Variants in TTN observed in about 807,000 individuals in gnomAD.
The protein encoded by TTN is titin, also known as connectin.
TTN carries 1,525 observed loss-of-function variants against 3,223.0 expected under a neutral mutation model. That is an observed-to-expected ratio of 0.47 (90% CI 0.45 to 0.49). The LOEUF (loss-of-function observed/expected upper bound fraction) is 0.49, where lower values mean the gene tolerates loss of function less well. Ranked by LOEUF, TTN falls within the 20% of genes least tolerant of loss-of-function variation. The pLI, the probability that TTN is intolerant of heterozygous loss-of-function variation, is 0.00. For missense variants in TTN, 40,786 were observed against 43,424.0 expected, an observed-to-expected ratio of 0.94 and a Z score of 5.40; for synonymous variants, 14,094 against 15,161.0, an observed-to-expected ratio of 0.93 and a Z score of 5.17.
intron 47 of TTN, chr2:178,749,103 T>C (rs553146764): frequency 6.2e-7 from 1 of 1,612,936 alleles, no homozygotes; most frequent in South Asian, 1.1e-5. Flanking sequence ...GAATCTTTTG[T>C]ATTGTAACTG....
chr2:178,691,144 A>G lies in TTN; in HGVS notation c.31762+872T>C, dbSNP rs1373581044. 3.9e-5 allele frequency among the ~76,000 whole-genome samples: 6 copies of G among 152,336 alleles called. No individual in the cohort carries two copies. The South Asian group carries it at 1.0e-3, about 26-fold the overall frequency. ...AGAGAGAAGCATATTTGATTCAGGA[A>G]GAAAATAGAAACATTGCAAAGTCAG... On this transcript the variant is annotated intron_variant, in intron 121 of 362. Coordinates refer to ENST00000589042, the MANE Select transcript of TTN (RefSeq NM_001267550.2).
Position 178,728,412 on chromosome 2 carries a change from C to T in TTN, c.19427-15G>A. ...AATATTTTGATCTGTCCAATGCAAA[C>T]AGCAAAACACATCCATTAATCTCTT... On this transcript the variant is annotated splice_polypyrimidine_tract_variant and intron_variant, in intron 66 of 362. Transcript: ENST00000589042. 1 of 1,583,422 alleles carries T rather than the reference C, an allele frequency of 6.3e-7. No individual in the cohort carries two copies. The highest frequency in any genetic ancestry group is 8.6e-7 in the Non-Finnish European group (1 of 1,164,434).
At position 178,609,838 on chromosome 2, in the gene TTN, C is replaced by G; in HGVS notation, c.51585G>C (p.Lys17195Asn). ...TTGGTACCAGGTGTTCATTGCATCTCTTCCACCTTTCTTCACCCTTAGCAA... is the reference window on the plus strand; with the variant it reads ...TTGGTACCAGGTGTTCATTGCATCTGTTCCACCTTTCTTCACCCTTAGCAA... ...EKIAKGEERW[K>N]RCNEHLVPIL... Residue 17195 changes from lysine to asparagine, a missense_variant, in exon 272 of 363, where the codon AAG becomes AAC. Transcript: ENST00000589042. The G allele has an allele frequency of 6.2e-7, 1 of 1,612,994 alleles. No individual in the cohort carries two copies. Among genetic ancestry groups the G allele is most frequent in the African/African-American group, 1.3e-5 (1 of 74,938 alleles).
At position 178,530,033 on chromosome 2, in the gene TTN, G is replaced by C; in HGVS notation, c.106458C>G (p.Asp35486Glu). The C allele has an allele frequency of 6.2e-7, 1 of 1,610,240 alleles. No homozygotes were observed. The highest frequency in any genetic ancestry group is 8.5e-7 in the Non-Finnish European group (1 of 1,178,930). ...TTACTGTACAAGTATAAAGTCCACT[G>C]TCAGAAGTATCAGTCTTATGAATTT... Reference protein sequence around the residue: ...FLEIHKTDTSDSGLYTCTVKN... With the variant: ...FLEIHKTDTSESGLYTCTVKN... Residue 35486 changes from aspartate to glutamate, a missense_variant, in exon 359 of 363, where the codon GAC (aspartate) becomes GAG (glutamate). Transcript: ENST00000589042.
Position 178,649,337 on chromosome 2 carries a change from A to G in TTN, c.39974-6T>C. 1 of 1,440,540 alleles carries G rather than the reference A, an allele frequency of 6.9e-7. No homozygotes were observed. The highest frequency in any genetic ancestry group is 1.5e-5 in the African/African-American group (1 of 68,338). The allele number at this position is 1,440,540 out of a possible 1,614,324, so 89.2% of individuals were successfully genotyped here. On this transcript the variant is annotated splice_region_variant and splice_polypyrimidine_tract_variant and intron_variant, in intron 212 of 362. Coordinates refer to ENST00000589042, the MANE Select transcript of TTN (RefSeq NM_001267550.2). ...TTTCTTGGGCACCTCAGGCACTTTG[A>G]AGATATTAGTTTTGTTTTAAAAATA...
At position 178,526,000 on chromosome 2, in the gene TTN, A is replaced by G. The variant is rs1479770097; in HGVS notation, c.*1012T>C. On this transcript the variant is annotated 3_prime_UTR_variant, in exon 363 of 363. Coordinates refer to ENST00000589042, the MANE Select transcript of TTN (RefSeq NM_001267550.2). The stretch of plus-strand genomic sequence containing the variant: ...CAACCAGCCACACATTTTGAGGTGC[A>G]GATAGCTTGCTTTATTTTGTTGTTA... 1.3e-5 allele frequency: 2 copies of G among 152,676 alleles called. No individual in the cohort carries two copies. Among genetic ancestry groups the G allele is most frequent in the Non-Finnish European group, 2.9e-5 (2 of 68,042 alleles). The allele number at this position is 152,676 out of a possible 1,614,324, so 9.5% of individuals were successfully genotyped here.
chr2:178,744,368 C>T (rs977691770), intron 47 of TTN: 21 of 984,022 alleles, frequency 2.1e-5, no homozygotes, highest in Admixed American at 6.2e-5. Flanking sequence ...GAATGATCAC[C>T]TCTAAGGTCT....
At chr2:178,694,723 T>G in intron 116 of TTN, 47 bp from the exon 117 acceptor site, 1 of 1,513,380 alleles carries the variant, frequency 6.6e-7, no homozygotes, top group African/African-American at 1.4e-5. Context: ...GAATATTGCT[T>G]TGCACAAAAT....
In TTN at chr2:178,779,728, A is replaced by C. The variant is rs75885953; in HGVS notation, c.3730-266T>G. On this transcript the variant is annotated intron_variant, in intron 22 of 362. Transcript: ENST00000589042. ...ATCACACAGATGAAGAGATCTTGGC[A>C]TGAATGAACTCAGCTGTGCTAATAT... 835 of 534,024 alleles carry C rather than the reference A, an allele frequency of 1.6e-3. 7 individuals are homozygous for C. The highest frequency in any genetic ancestry group is 0.014 in the African/African-American group (751 of 52,758). 33.1% of individuals were successfully genotyped at this position (534,024 alleles called of 1,614,324 possible). A position where few individuals can be genotyped will look rare whatever the true frequency, so the allele number is the denominator to read the frequency against.
chr2:178,559,495 A>G lies in TTN; in HGVS notation c.86637T>C (p.Asn28879=). The change falls in exon 326 of 363, where the codon AAT becomes AAC. Residue 28879 remains asparagine, a synonymous_variant. Coordinates refer to ENST00000589042, the MANE Select transcript of TTN (RefSeq NM_001267550.2). ...TGGCCTCACGTTTTTCTATGTGGTA[A>G]TTCTTCACTGGTGCTCCACCATCGT... ...PENDGGAPVK[N]YHIEKREASK... is the part of the protein sequence containing the mutation. 1 of 1,613,746 alleles carries G rather than the reference A, an allele frequency of 6.2e-7. No individual in the cohort carries two copies. The highest frequency in any genetic ancestry group is 8.5e-7 in the Non-Finnish European group (1 of 1,179,740).
In TTN at chr2:178,560,181, G is replaced by A. The variant is rs190729405; in HGVS notation, c.85951C>T (p.Leu28651=). 3.2e-5 allele frequency: 52 copies of A among 1,613,710 alleles called. No homozygotes were observed. The African/African-American group carries it at 6.7e-4, about 21-fold the overall frequency. ...TTGGGTTTGGATGGAGGAGATGGTA[G>A]GAACACTGGATCTTCTGCCCTAATT... ...PLIRAEDPVF[L]PSPPSKPKIV... The change falls in exon 326 of 363, where the codon CTA becomes TTA. Residue 28651 remains leucine, a synonymous_variant. Transcript: ENST00000589042.
In TTN at chr2:178,773,541, G is replaced by C; in HGVS notation, c.7515C>G (p.Asn2505Lys). ...VKGTKQRLVI[N>K]RTHASDEGPY... ...GTCCTTCGTCTGAAGCATGAGTTCG[G>C]TTAATGACTAGTCGCTGTTTAGTAC... The change falls in exon 32 of 363, where the codon AAC becomes AAG. Residue 2505 changes from asparagine to lysine, a missense_variant. Coordinates refer to ENST00000589042, the MANE Select transcript of TTN (RefSeq NM_001267550.2). The C allele has an allele frequency of 6.2e-7, 1 of 1,614,052 alleles. No individual in the cohort carries two copies. The highest frequency in any genetic ancestry group is 8.5e-7 in the Non-Finnish European group (1 of 1,179,980).
Position 178,611,382 on chromosome 2 carries a change from T to C in TTN, c.50847A>G (p.Lys16949=). 1 of 1,612,820 alleles carries C rather than the reference T, an allele frequency of 6.2e-7. No individual in the cohort carries two copies. The change falls in exon 269 of 363, where the codon AAA becomes AAG. Residue 16949 remains lysine (K), a synonymous_variant. Coordinates refer to ENST00000589042, the MANE Select transcript of TTN (RefSeq NM_001267550.2). ...ACCTTGTGCTCTTACAGTCTGGGTCTTTGGCAACCACATTTTCAGAGATTT... is the reference window on the plus strand; with the variant it reads ...ACCTTGTGCTCTTACAGTCTGGGTCCTTGGCAACCACATTTTCAGAGATTT... ...PSEISENVVA[K]DPDCKPTIDL... is the part of the protein sequence containing the mutation.
rs771985992 is a variant in TTN, at chr2:178,539,836, C to T, written c.98229G>A (p.Gln32743=). Residue 32743 remains glutamine, a synonymous_variant, in exon 352 of 363, where the codon CAG becomes CAA. Transcript: ENST00000589042. ...FPICKWTKEG[Q]DISKRAMIAT... is the part of the protein sequence containing the mutation. ...CAATCATGGCACGCTTACTAATATC[C>T]TGGCCTTCCTTGGTCCATTTACATA... 2.2e-5 allele frequency: 36 copies of T among 1,613,728 alleles called. No homozygotes were observed. The South Asian group carries it at 3.8e-4, about 17-fold the overall frequency.
rs1352240541 is a variant in TTN at position 178,669,401 on chromosome 2, A to G, written c.35517T>C (p.Ile11839=). The G allele has an allele frequency of 6.6e-6, 10 of 1,520,966 alleles. No individual in the cohort carries two copies. Among genetic ancestry groups the G allele is most frequent in the Admixed American group, 2.3e-5 (1 of 43,098 alleles). 94.2% of individuals were successfully genotyped at this position (1,520,966 alleles called of 1,614,324 possible). ...ACATCTCTGTGTCTTCAGAAATAAC[A>G]ATAGGTGATTTTTCTTCTTGAACAC... ...KKSVQEEKSP[I]VISEDTEMYI... is the part of the protein sequence containing the mutation. Residue 11839 remains isoleucine (I), a synonymous_variant, in exon 159 of 363, where the codon ATT becomes ATC. Transcript: ENST00000589042.
intron 113 of TTN, among the ~76,000 whole-genome samples, chr2:178,696,776 T>C (rs1046647325): frequency 1.1e-4 from 16 of 152,230 alleles, no homozygotes; most frequent in African/African-American, 3.4e-4. Flanking sequence ...TTAGGTACTT[T>C]TAGATAACAG....
At chr2:178,726,214 C>T in intron 69 of TTN, 168 bp from the exon 70 acceptor site, 1 of 712,366 alleles carries the variant, frequency 1.4e-6, no homozygotes, top group African/African-American at 1.8e-5. Context: ...TTTGCCTTCA[C>T]AAGATAACCA....
In TTN at chr2:178,651,711, C is replaced by T. The variant is rs781407045; in HGVS notation, c.39418G>A (p.Ala13140Thr). The stretch of plus-strand genomic sequence containing the variant: ...GGTTTTTTGGCAACGACAGCAGGTG[C>T]TTTCTTTTCTGGGACAGGTTTCTTA... ...PPKKPVPEKKAPAVVAKKPEL... is the reference protein window; with the variant it reads ...PPKKPVPEKKTPAVVAKKPEL... The change falls in exon 206 of 363, where the codon GCA (alanine) becomes ACA (threonine). Residue 13140 changes from alanine to threonine, a missense_variant. Ala to Thr is a moderately conservative substitution (Grantham distance 58, BLOSUM62 0). Transcript: ENST00000589042. 30 of 1,613,160 alleles carry T rather than the reference C, an allele frequency of 1.9e-5. No individual in the cohort carries two copies. In the East Asian group the frequency reaches 3.1e-4, roughly 17 times the overall value.
chr2:178,677,303 T>A lies in TTN; in HGVS notation c.34292-16A>T. ...ACTTCAGGCACTTAAAAACATTTCA[T>A]TTGAAGGCATTAAAAACCACATATA... On this transcript the variant is annotated splice_polypyrimidine_tract_variant and intron_variant, in intron 146 of 362. Transcript: ENST00000589042. 1.7e-6 allele frequency: 2 copies of A among 1,167,292 alleles called. No individual in the cohort carries two copies. The highest frequency in any genetic ancestry group is 6.8e-4 in the Middle Eastern group (2 of 2,948). 72.3% of individuals were successfully genotyped at this position (1,167,292 alleles called of 1,614,324 possible). A position where few individuals can be genotyped will look rare whatever the true frequency, so the allele number is the denominator to read the frequency against.
Sources: gnomAD v4.1 joint callset for allele counts (sites outside exome capture counted in the v4.1 genomes callset) on GRCh38, gnomAD v4.1.1 for gene constraint, MANE v1.5 for transcripts, NCBI Gene and HGNC (gene_info 2026-07-23, HGNC 2026-07-21) for gene names.